The following COX15 variants were observed in gnomAD, a reference collection of about 807,000 sequenced individuals.
COX15 encodes the protein cytochrome c oxidase assembly factor COX15, also known as heme A synthase COX15.
In COX15, 51 loss-of-function variants were observed where a neutral mutation model predicts 51.9. That is an observed-to-expected ratio of 0.98 (90% CI 0.78 to 1.24). The LOEUF is 1.24. Ranked by LOEUF, COX15 falls within the 50% of genes most tolerant of loss-of-function variation. The pLI is 0.00. For missense variants in COX15, 420 were observed against 501.1 expected, an observed-to-expected ratio of 0.84 and a Z score of 1.55; for synonymous variants, 188 against 190.5, an observed-to-expected ratio of 0.99 and a Z score of 0.11.
At chr10:99,727,231 C>A (rs529690822) in intron 3 of COX15, 77 bp from the exon 4 acceptor site, 1 of 1,546,922 alleles carries the variant, frequency 6.5e-7, no homozygotes, top group Non-Finnish European at 8.9e-7. Flanking sequence ...GAATGCAAAA[C>A]CTTTCTTTCT....
At chr10:99,724,782 A>C (rs546901700) in intron 4 of COX15, among the ~76,000 whole-genome samples, 4 of 152,312 alleles carry the variant, frequency 2.6e-5, no homozygotes, top group Non-Finnish European at 4.4e-5. Context: ...ACTAGATTGA[A>C]TGTTTTGGAG....
In COX15 at chr10:99,716,438, A is replaced by T; in HGVS notation, c.1011T>A (p.Ile337=). 1 of 1,613,170 alleles carries T rather than the reference A, an allele frequency of 6.2e-7. No homozygotes were observed. The highest frequency in any genetic ancestry group is 1.1e-5 in the South Asian group (1 of 91,062). ...TCCGAGAGAGGAAGTAGAGCACTGTAATGGCAGTGACTGAAGTGATTCCCT... is the reference window on the plus strand; with the variant it reads ...TCCGAGAGAGGAAGTAGAGCACTGTTATGGCAGTGACTGAAGTGATTCCCT... ...RILGITSVTA[I]TVLYFLSRRI... Residue 337 remains isoleucine (I), a synonymous_variant, in exon 8 of 9, where the codon ATT becomes ATA. Coordinates refer to ENST00000016171, the MANE Select transcript of COX15 (RefSeq NM_078470.6).
At position 99,724,218 on chromosome 10, in the gene COX15, C is replaced by G. The variant is rs1197521254; in HGVS notation, c.583-95G>C. The G allele has an allele frequency of 2.1e-6, 3 of 1,419,998 alleles. No homozygotes were observed. In the East Asian group the frequency reaches 7.1e-5, roughly 34 times the overall value. The allele number at this position is 1,419,998 out of a possible 1,614,324, so 88.0% of individuals were successfully genotyped here. On this transcript the variant is annotated intron_variant, in intron 4 of 8. Coordinates refer to ENST00000016171, the MANE Select transcript of COX15 (RefSeq NM_078470.6). Reference sequence around the variant, plus strand: ...TGTTTTTTTGAGACAGAGTCTCACTCTGTCACCAGGCTGGAGTGCAGTGGC... The same window carrying G: ...TGTTTTTTTGAGACAGAGTCTCACTGTGTCACCAGGCTGGAGTGCAGTGGC...
the COX15 span, chr10:99,698,831 TG>T: frequency 6.8e-4 from 1,095 of 1,606,238 alleles, 3 homozygotes; most frequent in Non-Finnish European, 7.4e-4. Context: ...GCCGCTACCA[TG>T]GGCCAACATT....
At chr10:99,705,032 T>C in the COX15 span, 2 of 260,668 alleles carry the variant, frequency 7.7e-6, no homozygotes, top group Non-Finnish European at 1.5e-5. Flanking sequence ...TTTGGCACAC[T>C]GGAAGCCTGG....
chr10:99,694,746 A>G, the COX15 span, among the ~76,000 whole-genome samples: 191 of 152,164 alleles, frequency 1.3e-3, 1 homozygote, highest in African/African-American at 4.5e-3. Flanking sequence ...CATGTTGGCC[A>G]GGCTGGTCTC....
chr10:99,707,022 C>A (rs1261391489), downstream of COX15, among the ~76,000 whole-genome samples: 1 of 152,000 alleles, frequency 6.6e-6, no homozygotes, highest in Non-Finnish European at 1.5e-5. Context: ...ATTTGTTATG[C>A]CTTTGTTATG....
In COX15 at chr10:99,727,136, T is replaced by C; in HGVS notation, c.414A>G (p.Thr138=). 1 of 1,614,172 alleles carries C rather than the reference T, an allele frequency of 6.2e-7. No homozygotes were observed. The highest frequency in any genetic ancestry group is 8.5e-7 in the Non-Finnish European group (1 of 1,180,032). ...PEFKILNHDM[T]LTEFKFIWYM... ...ACCAGATGAACTTGAATTCTGTCAG[T>C]GTCATATCATGATTCAAGCTGGGTG... Residue 138 remains threonine (T), a synonymous_variant, in exon 4 of 9, where the codon ACA becomes ACG. Coordinates refer to ENST00000016171, the MANE Select transcript of COX15 (RefSeq NM_078470.6).
At chr10:99,698,745 ATTGAC>A in the COX15 span, 1 of 1,614,210 alleles carries the variant, frequency 6.2e-7, no homozygotes, top group South Asian at 1.1e-5. Flanking sequence ...TCAATCGCCT[ATTGAC>A]TTCAACAACA....
downstream of COX15, chr10:99,705,906 G>A (rs987585963): frequency 1.3e-5 from 2 of 152,146 alleles, no homozygotes; most frequent in African/African-American, 4.8e-5. Context: ...CCAGAGCTTT[G>A]CTTCTCCTCC....
chr10:99,704,367 C>T, the COX15 span: 1 of 1,306,010 alleles, frequency 7.7e-7, no homozygotes, highest in Non-Finnish European at 1.1e-6. Flanking sequence ...AATGTGATAA[C>T]ACTACTGGGC....
At chr10:99,723,368 C>G (rs1187848314) in intron 5 of COX15, among the ~76,000 whole-genome samples, 1 of 151,992 alleles carries the variant, frequency 6.6e-6, no homozygotes, top group Non-Finnish European at 1.5e-5. Context: ...TCTCAAACTC[C>G]CAACCTCAGG....
the COX15 span, chr10:99,697,438 G>C: frequency 1.2e-3 from 195 of 157,996 alleles, 1 homozygote; most frequent in Non-Finnish European, 1.9e-3. Context: ...TCTGTCTGCT[G>C]TTTTCTGCTG....
At chr10:99,726,492 C>G (rs2036953325) in intron 4 of COX15, among the ~76,000 whole-genome samples, 1 of 152,078 alleles carries the variant, frequency 6.6e-6, no homozygotes, top group African/African-American at 2.4e-5. Context: ...GGTAATTTAC[C>G]CTAAGTGTCA....
chr10:99,720,202 T>C (rs1053729801), intron 6 of COX15, among the ~76,000 whole-genome samples: 7 of 152,150 alleles, frequency 4.6e-5, no homozygotes, highest in Non-Finnish European at 1.0e-4. Flanking sequence ...CCCAGCACTT[T>C]GGGAGGCTAA....
At position 99,727,189 on chromosome 10, in the gene COX15, G is replaced by A. The variant is rs373137371; in HGVS notation, c.396-35C>T. On this transcript the variant is annotated intron_variant, in intron 3 of 8. Coordinates refer to ENST00000016171, the MANE Select transcript of COX15 (RefSeq NM_078470.6). ...ATGGAAAGTCAAAAAAGGAGGAGGAGGAAACATCCTTCTGATTTTTATTTT... is the reference window on the plus strand; with the variant it reads ...ATGGAAAGTCAAAAAAGGAGGAGGAAGAAACATCCTTCTGATTTTTATTTT... 5.9e-4 allele frequency: 941 copies of A among 1,596,872 alleles called. 15 individuals are homozygous for A. In the South Asian group the frequency reaches 9.6e-3, roughly 16 times the overall value.
At chr10:99,722,230 T>C (rs893394190) in intron 5 of COX15, among the ~76,000 whole-genome samples, 2 of 152,218 alleles carry the variant, frequency 1.3e-5, no homozygotes, top group African/African-American at 4.8e-5. Context: ...AGCATAGCAC[T>C]ATATGGCTCA....
chr10:99,718,659 A>G (rs2036652742), intron 6 of COX15, among the ~76,000 whole-genome samples, 159 bp from the exon 7 acceptor site: 1 of 152,214 alleles, frequency 6.6e-6, no homozygotes, highest in Non-Finnish European at 1.5e-5. Context: ...CAGAGAAGAT[A>G]CATCACAATC....
At chr10:99,721,116 T>A in intron 5 of COX15, 48 bp from the exon 6 acceptor site, 1 of 1,494,626 alleles carries the variant, frequency 6.7e-7, no homozygotes, top group South Asian at 1.2e-5. Context: ...GCAGGAACAA[T>A]GAGAGGCAGC....
Sources: allele counts gnomAD v4.1 joint callset (sites outside exome capture counted in the v4.1 genomes callset), GRCh38; gene constraint gnomAD v4.1.1; transcripts MANE v1.5; gene names NCBI Gene and HGNC (gene_info 2026-07-23, HGNC 2026-07-21).